UGT2A1: variants seen among roughly 807,000 people sequenced by gnomAD.
The protein encoded by UGT2A1 is UDP glucuronosyltransferase family 2 member A1 complex locus.
Under a neutral mutation model 45.4 loss-of-function variants are expected in UGT2A1, and 61 were observed. That is an observed-to-expected ratio of 1.34 (90% CI 1.09 to 1.66). UGT2A1 has a LOEUF of 1.66. Ranked by LOEUF, UGT2A1 falls within the 40% of genes most tolerant of loss-of-function variation. The probability of loss-of-function intolerance (pLI) is 0.00; values close to 1 mark genes in which losing one functional copy is unlikely to be tolerated. For synonymous variants in UGT2A1, 229 were observed against 196.2 expected, an observed-to-expected ratio of 1.17 and a Z score of -1.40; for missense variants, 649 against 574.3, an observed-to-expected ratio of 1.13 and a Z score of -1.33.
At chr4:69,619,007 GA>G (rs1020594212) in intron 3 of UGT2A1, among the ~76,000 whole-genome samples, 37 of 151,520 alleles carry the variant, frequency 2.4e-4, no homozygotes, top group Admixed American at 1.6e-3. Context: ...ATAATATATG[GA>G]AAAAAGTTAT....
chr4:69,634,014 G>C (rs1474369236), intron 3 of UGT2A1, among the ~76,000 whole-genome samples: 1 of 152,102 alleles, frequency 6.6e-6, no homozygotes, highest in African/African-American at 2.4e-5. Context: ...GGGAGGCCGA[G>C]GCGGGCGGAT....
intron 6 of UGT2A1, among the ~76,000 whole-genome samples, chr4:69,590,651 G>A (rs893673367): frequency 4.9e-4 from 75 of 151,998 alleles, no homozygotes; most frequent in Non-Finnish European, 9.0e-4. Context: ...GTGTGTGTGT[G>A]TGTGTGTGTT....
chr4:69,627,456 ACAGGCAAGCAGGCAGGCAGG>A (rs141398913), intron 3 of UGT2A1, among the ~76,000 whole-genome samples: 52,089 of 149,724 alleles, frequency 0.35, 9,410 homozygotes, highest in African/African-American at 0.43. Context: ...CCATAGGCAG[ACAGGCAAGCAGGCAGGCAGG>A]CAGGCAGGCA....
At chr4:69,613,927 T>C (rs763885816) in intron 3 of UGT2A1, among the ~76,000 whole-genome samples, 2 of 152,050 alleles carry the variant, frequency 1.3e-5, no homozygotes, top group Non-Finnish European at 2.9e-5. Flanking sequence ...AAGAGTAGGA[T>C]ATGTGCTTTC....
chr4:69,614,184 G>C (rs1720237758), intron 3 of UGT2A1, among the ~76,000 whole-genome samples: 1 of 151,764 alleles, frequency 6.6e-6, no homozygotes, highest in Non-Finnish European at 1.5e-5. Context: ...TGCCAACAGT[G>C]AACCATATGT....
chr4:69,600,094 G>A (rs1275031269), intron 3 of UGT2A1, among the ~76,000 whole-genome samples: 1 of 152,166 alleles, frequency 6.6e-6, no homozygotes, highest in Non-Finnish European at 1.5e-5. Flanking sequence ...GTGGTGGGCA[G>A]CAGCCTATCC....
At position 69,646,873 on chromosome 4, in the gene UGT2A1, C is replaced by T. The variant is rs544808184; in HGVS notation, c.715+57G>A. On this transcript the variant is annotated intron_variant, in intron 2 of 6. Coordinates refer to ENST00000286604, the MANE Select transcript of UGT2A1 (RefSeq NM_001252275.3). ...TAGACATAGGGAAATAAAGAAGAGG[C>T]TCTACAAAGGTCTGTTTGTTCAAAT... 146 of 1,215,622 alleles carry T rather than the reference C, an allele frequency of 1.2e-4. No individual in the cohort carries two copies. In the Middle Eastern group the frequency reaches 1.5e-3, roughly 13 times the overall value. 75.3% of individuals were successfully genotyped at this position (1,215,622 alleles called of 1,614,324 possible).
chr4:69,641,160 C>A (rs181821898), intron 2 of UGT2A1, among the ~76,000 whole-genome samples: 1 of 151,762 alleles, frequency 6.6e-6, no homozygotes, highest in Non-Finnish European at 1.5e-5. Context: ...ATAGATATCC[C>A]TAAATTACCC....
chr4:69,621,587 G>A (rs1720761116), intron 3 of UGT2A1, among the ~76,000 whole-genome samples: 1 of 151,806 alleles, frequency 6.6e-6, no homozygotes. Context: ...GTGGAAAGCA[G>A]TGTGGTGATT....
intron 2 of UGT2A1, among the ~76,000 whole-genome samples, chr4:69,646,630 T>C (rs1044676563): frequency 1.3e-5 from 2 of 151,870 alleles, no homozygotes; most frequent in Admixed American, 6.6e-5. Context: ...AGGCAATTTC[T>C]ATTTTGAGCA....
At chr4:69,592,031 G>A (rs1160516385) in intron 6 of UGT2A1, among the ~76,000 whole-genome samples, 3 of 152,108 alleles carry the variant, frequency 2.0e-5, no homozygotes, top group African/African-American at 4.8e-5. Context: ...GACAACCAGG[G>A]CTGAGTCTTG....
At chr4:69,615,403 C>A (rs1344473952) in intron 3 of UGT2A1, among the ~76,000 whole-genome samples, 1 of 151,876 alleles carries the variant, frequency 6.6e-6, no homozygotes, top group African/African-American at 2.4e-5. Flanking sequence ...AGCTTCTGCA[C>A]ATTAAAGAAA....
chr4:69,643,145 A>C (rs1397004753), intron 2 of UGT2A1, among the ~76,000 whole-genome samples: 1 of 151,576 alleles, frequency 6.6e-6, no homozygotes, highest in Non-Finnish European at 1.5e-5. Context: ...TCACATGATG[A>C]CCTACTCCTT....
intron 3 of UGT2A1, among the ~76,000 whole-genome samples, chr4:69,628,359 A>G (rs1721206643): frequency 1.3e-5 from 2 of 151,946 alleles, no homozygotes; most frequent in Admixed American, 1.3e-4. Flanking sequence ...GTTTCAAAAT[A>G]CACTACAAAG....
intron 3 of UGT2A1, among the ~76,000 whole-genome samples, chr4:69,627,755 T>C (rs999079723): frequency 1.3e-5 from 2 of 151,704 alleles, no homozygotes; most frequent in Non-Finnish European, 2.9e-5. Context: ...CAAACTGGAA[T>C]TAATGATGAA....
intron 3 of UGT2A1, among the ~76,000 whole-genome samples, chr4:69,609,233 G>A (rs1465263217): frequency 1.3e-5 from 2 of 151,376 alleles, no homozygotes; most frequent in Non-Finnish European, 2.9e-5. Context: ...GCTCACTGCA[G>A]CCTTGACCTT....
At chr4:69,652,556 C>A (rs776893277) in intron 1 of UGT2A1, among the ~76,000 whole-genome samples, 3 of 151,890 alleles carry the variant, frequency 2.0e-5, no homozygotes, top group Non-Finnish European at 4.4e-5. Context: ...CAGGGGTGAG[C>A]CACCGCGCCT....
chr4:69,599,524 C>A lies in UGT2A1; in HGVS notation c.848-130G>T, dbSNP rs532188920. On this transcript the variant is annotated intron_variant, in intron 3 of 6. Coordinates refer to ENST00000286604, the MANE Select transcript of UGT2A1 (RefSeq NM_001252275.3). ...GAATTAGGTCTTCTAGAATACTTAT[C>A]ATGTTTATATATTAAGAAGAAGGAG... 2.3e-6 allele frequency: 3 copies of A among 1,300,188 alleles called. No homozygotes were observed. The East Asian group carries it at 7.6e-5, about 33-fold the overall frequency. 80.5% of individuals were successfully genotyped at this position (1,300,188 alleles called of 1,614,324 possible).
rs866361087 is a variant in UGT2A1, at chr4:69,639,081, G to A, written c.716-3259C>T. ...GATTTTCCCACAGTGTCTCTCCACT[G>A]TTGATGCTGGAGAGAACCTCAATGT... is the stretch of plus-strand genomic sequence containing the variant. On this transcript the variant is annotated intron_variant, in intron 2 of 6. Transcript: ENST00000286604. The A allele has an allele frequency of 1.1e-5, 17 of 1,613,346 alleles. No individual in the cohort carries two copies. In the African/African-American group the frequency reaches 1.9e-4, roughly 18 times the overall value.
Sources: allele counts gnomAD v4.1 joint callset (sites outside exome capture counted in the v4.1 genomes callset), GRCh38; gene constraint gnomAD v4.1.1; transcripts MANE v1.5; gene names NCBI Gene and HGNC (gene_info 2026-07-23, HGNC 2026-07-21).